Variants in SUN1 observed in about 807,000 individuals in gnomAD.
SUN1 encodes Sad1 and UNC84 domain containing 1.
Under a neutral mutation model 103.2 loss-of-function variants are expected in SUN1, and 61 were observed. The observed-to-expected ratio is 0.59, with a 90% CI of 0.48 to 0.73. SUN1 has a LOEUF of 0.73. Among genes scored for constraint, SUN1 ranks in the 30% least tolerant of loss-of-function variants. SUN1 has a pLI of 0.00. For synonymous variants in SUN1, 490 were observed against 425.7 expected (o/e 1.15, Z -1.86); for missense variants, 1,052 against 1,034.6 (o/e 1.02, Z -0.23).
intron 1 of SUN1, among the ~76,000 whole-genome samples, chr7:835,462 C>A (rs1802151001): frequency 6.6e-6 from 1 of 152,228 alleles, no homozygotes; most frequent in Non-Finnish European, 1.5e-5. Flanking sequence ...GTTCCAATAT[C>A]CCAGATCCTT....
At chr7:840,955 C>CA (rs1809105151) in intron 2 of SUN1, among the ~76,000 whole-genome samples, 1 of 151,006 alleles carries the variant, frequency 6.6e-6, no homozygotes, top group Admixed American at 6.6e-5. Context: ...TATTTTGAGA[C>CA]AGAGTTTCGC....
intron 18 of SUN1, 46 bp from the exon 19 acceptor site, chr7:873,169 T>A: frequency 6.4e-7 from 1 of 1,551,942 alleles, no homozygotes; most frequent in Non-Finnish European, 8.9e-7. Context: ...GACTTGGGGT[T>A]ATTAATATGA....
chr7:843,160 G>A (rs1472584597), intron 3 of SUN1, 46 bp from the exon 4 acceptor site: 2 of 1,597,612 alleles, frequency 1.3e-6, no homozygotes, highest in Non-Finnish European at 1.7e-6. Flanking sequence ...TTGATAAGCT[G>A]AGCTCAACAG....
At chr7:817,485 G>A (rs1162727877) in intron 1 of SUN1, 29 of 1,536,034 alleles carry the variant, frequency 1.9e-5, no homozygotes, top group Non-Finnish European at 2.3e-5. Context: ...GGCTCCCCAG[G>A]GCTCCCCAGG....
At chr7:842,447 AT>A (rs368233976) in intron 3 of SUN1, 363 of 315,092 alleles carry the variant, frequency 1.2e-3, no homozygotes, top group African/African-American at 7.4e-3. Context: ...TAGTAATCTT[AT>A]AACTCTGTTT....
intron 5 of SUN1, chr7:849,959 ACACAGCCGCCCACTCGCAGTCGC>A (rs748890970): frequency 1.0e-5 from 16 of 1,601,832 alleles, no homozygotes; most frequent in Non-Finnish European, 1.4e-5. Flanking sequence ...CTCGACGCGC[ACACAGCCGCCCACTCGCAGTCGC>A]CACGGCTGCC....
intron 16 of SUN1, among the ~76,000 whole-genome samples, chr7:866,313 T>C (rs1216730633): frequency 6.6e-6 from 1 of 152,176 alleles, no homozygotes; most frequent in Non-Finnish European, 1.5e-5. Context: ...ATGCTGGTCC[T>C]GTCAGCCTTC....
chr7:825,142 T>C (rs1207618767), intron 1 of SUN1, among the ~76,000 whole-genome samples: 1 of 151,890 alleles, frequency 6.6e-6, no homozygotes, highest in African/African-American at 2.4e-5. Context: ...CACTGCAAGC[T>C]CCACCTCCCG....
intron 5 of SUN1, chr7:843,781 A>G (rs926455832): frequency 4.2e-5 from 60 of 1,423,910 alleles, no homozygotes; most frequent in Non-Finnish European, 5.1e-5. Flanking sequence ...ATTTCTACGT[A>G]AGCGAAACTA....
At chr7:847,925 C>T (rs1236530271) in intron 5 of SUN1, among the ~76,000 whole-genome samples, 1 of 148,660 alleles carries the variant, frequency 6.7e-6, no homozygotes, top group Admixed American at 6.6e-5. Context: ...ACTCCACAGT[C>T]CAGTCTCCGG....
At chr7:822,212 A>G (rs1053772445) in intron 1 of SUN1, among the ~76,000 whole-genome samples, 22 of 152,220 alleles carry the variant, frequency 1.4e-4, no homozygotes, top group Non-Finnish European at 2.8e-4. Context: ...AATTGTTGCT[A>G]CTTTATTAAG....
Position 851,932 on chromosome 7 carries a change from T to G in SUN1, c.758-18T>G. On this transcript the variant is annotated intron_variant, in intron 6 of 18. Transcript: ENST00000401592. ...CCTAAAAACATTTCCTTAGAATGTT[T>G]GGTGTTTTCTCTTGTAGGGAAGGCA... is the stretch of plus-strand genomic sequence containing the variant. 1 of 1,612,172 alleles carries G rather than the reference T, an allele frequency of 6.2e-7. No homozygotes were observed. The highest frequency in any genetic ancestry group is 8.5e-7 in the Non-Finnish European group (1 of 1,178,688).
intron 12 of SUN1, among the ~76,000 whole-genome samples, chr7:856,693 C>G (rs1010930645): frequency 6.6e-6 from 1 of 152,214 alleles, no homozygotes; most frequent in East Asian, 1.9e-4. Flanking sequence ...AGGGTCCTTG[C>G]AGGGCCAACC....
intron 15 of SUN1, among the ~76,000 whole-genome samples, chr7:864,326 T>A (rs939294541): frequency 7.9e-5 from 12 of 152,022 alleles, no homozygotes; most frequent in African/African-American, 2.7e-4. Context: ...GGCGGGCAGA[T>A]CACCTGAGAT....
At chr7:841,924 T>TG (rs1200896568) in intron 2 of SUN1, 22 bp from the exon 3 acceptor site, 3 of 1,612,134 alleles carry the variant, frequency 1.9e-6, no homozygotes, top group Non-Finnish European at 2.5e-6. Context: ...TCTATAAACT[T>TG]GCTGTTTTTT....
intron 5 of SUN1, chr7:849,862 T>A: frequency 6.6e-7 from 1 of 1,526,706 alleles, no homozygotes. Context: ...TATGCACGGC[T>A]GAGATGGACA....
rs537852280 is a variant in SUN1 at position 857,389 on chromosome 7, A to G, written c.1395-439A>G. Among the ~76,000 whole-genome samples the G allele has an allele frequency of 2.0e-5, 3 of 152,260 alleles. No individual in the cohort carries two copies. In the East Asian group the frequency reaches 5.8e-4, roughly 29 times the overall value. The stretch of plus-strand genomic sequence containing the variant: ...GATCTGGGAATGGGCTTTTTGAGAT[A>G]TGAATTGTTAGTATCTCAACAAGTA... On this transcript the variant is annotated intron_variant, in intron 12 of 18. Coordinates refer to ENST00000401592, the MANE Select transcript of SUN1 (RefSeq NM_001130965.3).
In SUN1 at chr7:874,226, C is replaced by G. The variant is rs1006447668; in HGVS notation, c.*895C>G. The G allele has an allele frequency of 6.6e-6, 1 of 152,496 alleles. No homozygotes were observed. Among genetic ancestry groups the G allele is most frequent in the Non-Finnish European group, 1.5e-5 (1 of 68,046 alleles). The allele number at this position is 152,496 out of a possible 1,614,324, so 9.4% of individuals were successfully genotyped here. A position where few individuals can be genotyped will look rare whatever the true frequency, so the allele number is the denominator to read the frequency against. On this transcript the variant is annotated 3_prime_UTR_variant, in exon 19 of 19. Transcript: ENST00000401592. ...GTCTGGTGTGTCAGGGTCACGAACCCGTTACATTTCAGGACGATCCTTTTT... is the reference window on the plus strand; with the variant it reads ...GTCTGGTGTGTCAGGGTCACGAACCGGTTACATTTCAGGACGATCCTTTTT...
chr7:835,626 A>T (rs1371942633), intron 1 of SUN1, among the ~76,000 whole-genome samples: 1 of 152,056 alleles, frequency 6.6e-6, no homozygotes, highest in African/African-American at 2.4e-5. Context: ...TTCTTTCTTC[A>T]TTGGCGTGAC....
Sources: allele counts gnomAD v4.1 joint callset (sites outside exome capture counted in the v4.1 genomes callset), GRCh38; gene constraint gnomAD v4.1.1; transcripts MANE v1.5; gene names NCBI Gene and HGNC (gene_info 2026-07-23, HGNC 2026-07-21).